Variants in CDH11 observed in about 807,000 individuals in gnomAD.
The protein encoded by CDH11 is cadherin 11, also known as cadherin-11.
CDH11 carries 11 observed loss-of-function variants against 67.8 expected under a neutral mutation model. The ratio of observed to expected loss-of-function variants is 0.16; its 90% confidence interval spans 0.10 to 0.27. CDH11 has a LOEUF of 0.27. Ranked by LOEUF, CDH11 falls within the 10% of genes least tolerant of loss-of-function variation. The probability of loss-of-function intolerance (pLI) is 1.00; values close to 1 mark genes in which losing one functional copy is unlikely to be tolerated. For missense variants in CDH11, 847 were observed against 1,031.2 expected, an observed-to-expected ratio of 0.82 and a Z score of 2.45; for synonymous variants, 419 against 400.0, an observed-to-expected ratio of 1.05 and a Z score of -0.57.
At chr16:64,952,685 C>T (rs1311360824) in intron 11 of CDH11, among the ~76,000 whole-genome samples, 1 of 84,496 alleles carries the variant, frequency 1.2e-5, no homozygotes, top group Non-Finnish European at 3.5e-5. Context: ...CACACACACA[C>T]TCACACTGAA....
chr16:65,018,597 A>C (rs2073361883), intron 2 of CDH11, among the ~76,000 whole-genome samples: 1 of 152,228 alleles, frequency 6.6e-6, no homozygotes, highest in Non-Finnish European at 1.5e-5. Context: ...ACTCAAAAGA[A>C]AAACATTTTA....
At chr16:65,063,814 T>A (rs563900490) in intron 1 of CDH11, among the ~76,000 whole-genome samples, 1 of 152,232 alleles carries the variant, frequency 6.6e-6, no homozygotes, top group South Asian at 2.1e-4. Flanking sequence ...GGTACCAGGG[T>A]GGATTTGATG....
Position 64,998,749 on chromosome 16 carries a change from G to T in CDH11, c.336C>A (p.Ala112=), listed in dbSNP as rs1406665739. The change falls in exon 4 of 13, where the codon GCC becomes GCA. Residue 112 remains alanine, a synonymous_variant. Coordinates refer to ENST00000268603, the MANE Select transcript of CDH11 (RefSeq NM_001797.4). ...VIDDKSGNIH[A]TKTLDREERA... ...TCTCTTCTCGATCCAACGTCTTGGT[G>T]GCATGAATGTTCCCTGATTTGTCAT... The T allele has an allele frequency of 6.2e-7, 1 of 1,614,168 alleles. No homozygotes were observed.
chr16:65,008,197 T>C (rs1356455085), intron 2 of CDH11, among the ~76,000 whole-genome samples: 1 of 152,244 alleles, frequency 6.6e-6, no homozygotes, highest in East Asian at 1.9e-4. Flanking sequence ...ACTTTTTTCT[T>C]TTATAAAAAA....
At chr16:64,981,877 G>C in intron 8 of CDH11, 171 bp downstream of exon 8, 2 of 571,010 alleles carry the variant, frequency 3.5e-6, no homozygotes. Flanking sequence ...GTCAGGAACA[G>C]AGGTGAAGGG....
chr16:65,089,024 C>T (rs574129604), intron 1 of CDH11, among the ~76,000 whole-genome samples: 3 of 152,242 alleles, frequency 2.0e-5, no homozygotes, highest in Non-Finnish European at 2.9e-5. Context: ...TTTTCACTTT[C>T]GATGCACTTT....
At chr16:65,120,424 G>GATTAAAACGAAAACTTACTGCCTCAT (rs2075305835) in intron 1 of CDH11, among the ~76,000 whole-genome samples, 1 of 152,122 alleles carries the variant, frequency 6.6e-6, no homozygotes, top group Non-Finnish European at 1.5e-5. Context: ...GCCTCCCTGT[G>GATTAAAACGAAAACTTACTGCCTCAT]ATTAAAACGA....
chr16:64,978,489 G>C (rs947576038), intron 8 of CDH11, among the ~76,000 whole-genome samples: 1 of 152,082 alleles, frequency 6.6e-6, no homozygotes, highest in African/African-American at 2.4e-5. Context: ...AAAATAGGTG[G>C]TGAGAAAAAA....
In CDH11 at chr16:65,023,369, G is replaced by A. The variant is rs79704951; in HGVS notation, c.-172-18328C>T. On this transcript the variant is annotated intron_variant, in intron 2 of 12. Coordinates refer to ENST00000268603, the MANE Select transcript of CDH11 (RefSeq NM_001797.4). ...CCCATGAGTCTTGATTTGGTGTCCC[G>A]ATGGGAGTCTACATTGCCTCTTCAT... 8.3e-3 allele frequency among the ~76,000 whole-genome samples: 1,270 copies of A among 152,282 alleles called. 19 individuals are homozygous for A. The highest frequency in any genetic ancestry group is 0.026 in the African/African-American group (1,091 of 41,554).
In CDH11 at chr16:64,947,184, G is replaced by A; in HGVS notation, c.*419C>T. On this transcript the variant is annotated 3_prime_UTR_variant, in exon 13 of 13. Transcript: ENST00000268603. ...TTTAAAAATGCACTACATATAGAGT[G>A]TCCAGAGTTTAAGGCGAAATTACAG... 9.3e-7 allele frequency: 1 copy of A among 1,073,536 alleles called. No homozygotes were observed. The highest frequency in any genetic ancestry group is 3.9e-5 in the South Asian group (1 of 25,888). The allele number at this position is 1,073,536 out of a possible 1,614,324, so 66.5% of individuals were successfully genotyped here.
At chr16:64,983,424 C>T (rs2072406618) in intron 7 of CDH11, among the ~76,000 whole-genome samples, 1 of 152,150 alleles carries the variant, frequency 6.6e-6, no homozygotes, top group Non-Finnish European at 1.5e-5. Flanking sequence ...TGCTGAACTA[C>T]CAAATGTTTG....
chr16:65,048,309 C>T (rs911884134), intron 2 of CDH11, among the ~76,000 whole-genome samples: 1 of 152,164 alleles, frequency 6.6e-6, no homozygotes, highest in African/African-American at 2.4e-5. Flanking sequence ...TTCAAATTAA[C>T]ACAACCTTCG....
chr16:64,967,980 A>G (rs1375166357), intron 11 of CDH11, among the ~76,000 whole-genome samples: 1 of 152,330 alleles, frequency 6.6e-6, no homozygotes, highest in South Asian at 2.1e-4. Context: ...TAATCCATAA[A>G]TTAAATTTCA....
intron 8 of CDH11, among the ~76,000 whole-genome samples, chr16:64,978,410 G>A (rs1471205397): frequency 6.6e-6 from 1 of 152,166 alleles, no homozygotes; most frequent in Non-Finnish European, 1.5e-5. Flanking sequence ...TGCCCTTGCA[G>A]CAGGAAAGAA....
At chr16:64,986,273 T>C (rs1307892145) in intron 7 of CDH11, 1 of 138,770 alleles carries the variant, frequency 7.2e-6, no homozygotes, top group Non-Finnish European at 1.7e-5. Flanking sequence ...CATCTTACAC[T>C]ATTTAAAACC....
intron 4 of CDH11, among the ~76,000 whole-genome samples, chr16:64,994,460 C>T (rs544399480): frequency 3.9e-5 from 6 of 152,176 alleles, no homozygotes; most frequent in Non-Finnish European, 1.5e-5. Context: ...AATAGGTTGC[C>T]TGGGTTCGTA....
chr16:64,954,816 T>C (rs538067561), intron 11 of CDH11, among the ~76,000 whole-genome samples: 1 of 152,062 alleles, frequency 6.6e-6, no homozygotes, highest in African/African-American at 2.4e-5. Flanking sequence ...CAAAAATAAG[T>C]CACTATGGCC....
intron 2 of CDH11, among the ~76,000 whole-genome samples, chr16:65,041,209 G>A (rs2073861666): frequency 6.6e-6 from 1 of 152,130 alleles, no homozygotes; most frequent in Non-Finnish European, 1.5e-5. Flanking sequence ...CAACAACCAT[G>A]TTTTCCGTAT....
chr16:64,989,518 A>G (rs2072577923), intron 6 of CDH11, among the ~76,000 whole-genome samples: 1 of 152,202 alleles, frequency 6.6e-6, no homozygotes, highest in Non-Finnish European at 1.5e-5. Context: ...ACTACCAGCC[A>G]GGTGATTAGC....
Sources: allele counts gnomAD v4.1 joint callset (sites outside exome capture counted in the v4.1 genomes callset), GRCh38; gene constraint gnomAD v4.1.1; transcripts MANE v1.5; gene names NCBI Gene and HGNC (gene_info 2026-07-23, HGNC 2026-07-21).